The following CRB1 variants were observed in gnomAD, a reference collection of about 807,000 sequenced individuals.
CRB1 encodes the protein crumbs cell polarity complex component 1.
CRB1 carries 83 observed loss-of-function variants against 120.0 expected under a neutral mutation model. The observed-to-expected ratio is 0.69, with a 90% confidence interval of 0.58 to 0.83. CRB1 has a LOEUF of 0.83. Ranked by LOEUF, CRB1 falls within the 40% of genes least tolerant of loss-of-function variation. The pLI is 0.00. For synonymous variants in CRB1, 625 were observed against 612.5 expected (o/e 1.02, Z -0.30); for missense variants, 1,699 against 1,687.6 (o/e 1.01, Z -0.12).
chr1:197,440,434 T>C (rs1452974430), intron 10 of CRB1: 1 of 152,246 alleles, frequency 6.6e-6, no homozygotes, highest in Non-Finnish European at 1.5e-5. Context: ...ACTTACATGA[T>C]GCTAGATATT....
At chr1:197,346,773 A>G (rs573929062) in intron 3 of CRB1, among the ~76,000 whole-genome samples, 19 of 152,352 alleles carry the variant, frequency 1.2e-4, no homozygotes, top group African/African-American at 4.6e-4. Context: ...TAGAAATAGT[A>G]AGGCCTAAAT....
chr1:197,390,513 G>A (rs1662445514), intron 5 of CRB1, among the ~76,000 whole-genome samples: 1 of 152,102 alleles, frequency 6.6e-6, no homozygotes, highest in Middle Eastern at 3.4e-3. Flanking sequence ...ACATTTGATT[G>A]TTTTTCATAT....
At chr1:197,259,534 G>A in the CRB1 span, among the ~76,000 whole-genome samples, 123 of 152,270 alleles carry the variant, frequency 8.1e-4, no homozygotes, top group Admixed American at 6.5e-4. Flanking sequence ...TCAGTGGGGT[G>A]GGGGCAAGGG....
At chr1:197,397,157 G>A (rs999483962) in intron 5 of CRB1, among the ~76,000 whole-genome samples, 2 of 152,002 alleles carry the variant, frequency 1.3e-5, no homozygotes, top group African/African-American at 4.8e-5. Context: ...ACATAAGATA[G>A]CAAATAAGCA....
chr1:197,357,150 G>A lies in CRB1; in HGVS notation c.1171+137G>A. On this transcript the variant is annotated intron_variant, in intron 5 of 11. Transcript: ENST00000367400. ...CTGTGGTGCAAAGGGTCCCCCTTGT[G>A]GGCATGAAAAGTATCTTGTTTCACA... 3.6e-6 allele frequency: 3 copies of A among 838,452 alleles called. 1 individual carries two copies. The East Asian group carries it at 7.7e-5, about 22-fold the overall frequency. 51.9% of individuals were successfully genotyped at this position (838,452 alleles called of 1,614,324 possible).
chr1:197,443,934 T>A (rs1449797596), intron 11 of CRB1: 1 of 152,174 alleles, frequency 6.6e-6, no homozygotes, highest in Non-Finnish European at 1.5e-5. Flanking sequence ...AATAGTTTGA[T>A]CCTATGAATT....
chr1:197,247,404 A>G, the CRB1 span, among the ~76,000 whole-genome samples: 1 of 152,124 alleles, frequency 6.6e-6, no homozygotes, highest in Non-Finnish European at 1.5e-5. Context: ...CAGCAAGTTG[A>G]ACACTAAATT....
At chr1:197,241,136 C>T in the CRB1 span, among the ~76,000 whole-genome samples, 1 of 152,098 alleles carries the variant, frequency 6.6e-6, no homozygotes, top group Admixed American at 6.6e-5. Context: ...AAACTTTTCT[C>T]CCATTCTGTA....
the CRB1 span, among the ~76,000 whole-genome samples, chr1:197,246,116 A>G: frequency 2.6e-5 from 4 of 152,010 alleles, no homozygotes; most frequent in East Asian, 5.8e-4. Context: ...ACCACCTGAT[A>G]GAGATGAAAG....
At chr1:197,433,584 C>A (rs1664980768) in intron 8 of CRB1, among the ~76,000 whole-genome samples, 1 of 151,844 alleles carries the variant, frequency 6.6e-6, no homozygotes, top group Admixed American at 6.6e-5. Context: ...GTAAGTTTTG[C>A]TGGTAAAGAA....
the CRB1 span, among the ~76,000 whole-genome samples, chr1:197,206,335 TGTGAC>T: frequency 3.9e-5 from 6 of 152,346 alleles, no homozygotes; most frequent in East Asian, 1.2e-3. Flanking sequence ...TTCCTTGAGA[TGTGAC>T]CATAGATTGT....
chr1:197,349,514 C>G (rs1659967925), intron 4 of CRB1, among the ~76,000 whole-genome samples: 1 of 152,190 alleles, frequency 6.6e-6, no homozygotes, highest in Non-Finnish European at 1.5e-5. Flanking sequence ...TACTGATCAT[C>G]TGTCTCTCTC....
At chr1:197,468,135 G>T (rs1405337606) in intron 11 of CRB1, among the ~76,000 whole-genome samples, 5 of 152,220 alleles carry the variant, frequency 3.3e-5, no homozygotes, top group East Asian at 1.9e-4. Context: ...GGATCATGGT[G>T]ATTCCTTCAG....
At chr1:197,253,590 C>T in the CRB1 span, among the ~76,000 whole-genome samples, 1 of 152,144 alleles carries the variant, frequency 6.6e-6, no homozygotes, top group Admixed American at 6.6e-5. Flanking sequence ...AGAAATTACA[C>T]ATGAATGTTT....
At chr1:197,337,882 A>C (rs1659245969) in intron 2 of CRB1, among the ~76,000 whole-genome samples, 1 of 152,130 alleles carries the variant, frequency 6.6e-6, no homozygotes, top group African/African-American at 2.4e-5. Flanking sequence ...AAGAACTAAG[A>C]AATTACTACT....
At position 197,417,403 on chromosome 1, in the gene CRB1, G is replaced by A. The variant is rs148134050; in HGVS notation, c.1172-3597G>A. Among the ~76,000 whole-genome samples the A allele has an allele frequency of 7.4e-4, 112 of 152,302 alleles. 4 individuals carry two copies. The East Asian group carries it at 0.019, about 26-fold the overall frequency. ...GTACGTGAATCCTGTGGTCTAGATG[G>A]GGAACCCATGGTAGGAGCATTAGTA... On this transcript the variant is annotated intron_variant, in intron 5 of 11. Transcript: ENST00000367400.
chr1:197,280,718 T>G (rs1340309871), intron 1 of CRB1, among the ~76,000 whole-genome samples: 1 of 151,960 alleles, frequency 6.6e-6, no homozygotes, highest in Admixed American at 6.6e-5. Context: ...GCCATCAATA[T>G]AACTATTTTT....
intron 1 of CRB1, among the ~76,000 whole-genome samples, chr1:197,270,202 A>C (rs1185173449): frequency 6.6e-6 from 1 of 152,196 alleles, no homozygotes; most frequent in East Asian, 1.9e-4. Flanking sequence ...TCTAGCAGTA[A>C]AAATTGCTAA....
chr1:197,362,875 T>C (rs529945093), intron 5 of CRB1, among the ~76,000 whole-genome samples: 3 of 152,190 alleles, frequency 2.0e-5, no homozygotes, highest in Admixed American at 6.5e-5. Flanking sequence ...AGACCATTTA[T>C]GTTTAAGTAA....
Sources: allele counts gnomAD v4.1 joint callset (sites outside exome capture counted in the v4.1 genomes callset), GRCh38; gene constraint gnomAD v4.1.1; transcripts MANE v1.5; gene names NCBI Gene and HGNC (gene_info 2026-07-23, HGNC 2026-07-21).